Variants in XG observed in about 807,000 individuals in gnomAD.
XG encodes the protein glycoprotein Xg.
A neutral mutation model predicts 25.7 loss-of-function variants in XG; 24 were observed. That is an observed-to-expected ratio of 0.93 (90% CI 0.68 to 1.31). XG has a LOEUF of 1.31. Among genes scored for constraint, XG ranks in the 40% most tolerant of loss-of-function variants. The pLI, the probability that XG is intolerant of heterozygous loss-of-function variation, is 0.00. For synonymous variants in XG, 77 were observed against 69.2 expected (o/e 1.11, Z -0.56); for missense variants, 181 against 187.6 (o/e 0.96, Z 0.21).
intron 4 of XG, among the ~76,000 whole-genome samples, chrX:2,786,209 C>T (rs896192118): frequency 1.9e-5 from 2 of 104,956 alleles, no homozygotes; most frequent in Non-Finnish European, 1.9e-5. Flanking sequence ...GAGATGTCAG[C>T]GTTGCTCACC....
chrX:2,762,171 C>G (rs1214552341), intron 1 of XG, among the ~76,000 whole-genome samples: 2 of 152,188 alleles, frequency 1.3e-5, no homozygotes, highest in Non-Finnish European at 2.9e-5. Flanking sequence ...TTTCCTTGCA[C>G]CAAAGATGTC....
In XG at chrX:2,811,370, A is replaced by G; in HGVS notation, c.489A>G (p.Val163=). ...TAGCAAAAATCGTGTCTCCCATCGTATCCGTGGTGGTGGTGACACTGCTGG... is the reference window on the plus strand; with the variant it reads ...TAGCAAAAATCGTGTCTCCCATCGTGTCCGTGGTGGTGGTGACACTGCTGG... ...NMVAKIVSPI[V]SVVVVTLLGA... is the part of the protein sequence containing the mutation. Residue 163 remains valine, a synonymous_variant, in exon 10 of 11, where the codon GTA becomes GTG. Transcript: ENST00000644266. 8.3e-7 allele frequency: 1 copy of G among 1,208,909 alleles called. No homozygotes were observed. The highest frequency in any genetic ancestry group is 3.0e-5 in the East Asian group (1 of 33,770).
chrX:2,780,035 T>G, intron 3 of XG, among the ~76,000 whole-genome samples: 1 of 152,312 alleles, frequency 6.6e-6, no homozygotes. Context: ...TATATTATTT[T>G]TTATTTGTAT....
chrX:2,768,109 T>C (rs2050738987), intron 1 of XG, among the ~76,000 whole-genome samples: 1 of 152,038 alleles, frequency 6.6e-6, no homozygotes, highest in African/African-American at 2.4e-5. Flanking sequence ...TGCAACAGCA[T>C]TTCAGAGAGG....
chrX:2,788,796 C>T (rs1232956625), intron 4 of XG, among the ~76,000 whole-genome samples: 1 of 109,066 alleles, frequency 9.2e-6, no homozygotes, highest in South Asian at 4.0e-4. Flanking sequence ...CAGAGGTTGC[C>T]GTGAGCTGAG....
rs190795134 is a variant in XG at position 2,773,188 on chromosome X, A to G, written c.104-1528A>G. On this transcript the variant is annotated intron_variant, in intron 2 of 10. Coordinates refer to ENST00000644266, the MANE Select transcript of XG (RefSeq NM_001141919.2). The stretch of plus-strand genomic sequence containing the variant: ...GGGAGGGAGGAAAAAGGATGGAAAC[A>G]AGGAGGGAAGAAAAGGAAGAAGAGA... 2.0e-3 allele frequency among the ~76,000 whole-genome samples: 299 copies of G among 150,684 alleles called. 1 individual carries two copies. The highest frequency in any genetic ancestry group is 7.0e-3 in the African/African-American group (286 of 41,082).
At chrX:2,776,143 A>C (rs2050984850) in intron 3 of XG, among the ~76,000 whole-genome samples, 1 of 118,886 alleles carries the variant, frequency 8.4e-6, no homozygotes, top group Non-Finnish European at 1.9e-5. Context: ...AAACGCTTTG[A>C]GACAAATTAA....
At position 2,774,732 on chromosome X, in the gene XG, A is replaced by G; in HGVS notation, c.120A>G (p.Pro40=). 6.2e-7 allele frequency: 1 copy of G among 1,613,948 alleles called. No individual in the cohort carries two copies. The highest frequency in any genetic ancestry group is 2.2e-5 in the East Asian group (1 of 44,886). Residue 40 remains proline, a synonymous_variant, in exon 3 of 11, where the codon CCA becomes CCG. Transcript: ENST00000644266. ...TGTTCACAGAACCCACCAAGAAGCCAAACTCAGGTGAGTGTCTCTTCAGCT... is the reference window on the plus strand; with the variant it reads ...TGTTCACAGAACCCACCAAGAAGCCGAACTCAGGTGAGTGTCTCTTCAGCT... ...ALDDPEPTKK[P]NSDIYPKPKP... is the part of the protein sequence containing the mutation.
chrX:2,752,854 C>T (rs1385921259), intron 1 of XG: 2 of 870,440 alleles, frequency 2.3e-6, no homozygotes, highest in African/African-American at 3.7e-5. Flanking sequence ...CAAATTAAAA[C>T]CACCTGAATT....
At chrX:2,803,606 T>G (rs1348537140) in intron 7 of XG, among the ~76,000 whole-genome samples, 1 of 108,230 alleles carries the variant, frequency 9.2e-6, no homozygotes, top group African/African-American at 3.4e-5. Flanking sequence ...CATAGGGGGG[T>G]GAAGTGAGGT....
At chrX:2,774,501 C>A (rs2050930869) in intron 2 of XG, among the ~76,000 whole-genome samples, 1 of 152,064 alleles carries the variant, frequency 6.6e-6, no homozygotes, top group African/African-American at 2.4e-5. Context: ...CTGTGGGCAT[C>A]CTCACAGCCT....
chrX:2,762,029 G>A (rs2050577099), intron 1 of XG, among the ~76,000 whole-genome samples: 2 of 152,176 alleles, frequency 1.3e-5, no homozygotes. Flanking sequence ...GGCCCAGACA[G>A]ACCTGCTGAA....
intron 7 of XG, among the ~76,000 whole-genome samples, chrX:2,798,708 G>C (rs2086908255): frequency 9.1e-6 from 1 of 110,355 alleles, no homozygotes; most frequent in Admixed American, 9.7e-5. Context: ...GTTTCACCTT[G>C]TTGGTCAGGC....
Position 2,814,744 on chromosome X carries a change from G to C in XG, c.*364G>C, listed in dbSNP as rs2087089560. The C allele has an allele frequency of 6.6e-6, 1 of 150,983 alleles. No homozygotes were observed. The highest frequency in any genetic ancestry group is 8.4e-5 in the Admixed American group (1 of 11,850). The allele number at this position is 150,983 out of a possible 1,213,427, so 12.4% of individuals were successfully genotyped here. On this transcript the variant is annotated 3_prime_UTR_variant, in exon 11 of 11. Transcript: ENST00000644266. ...ATGGCACAAAGCGGTGAGCAGTAGGGAGGTAGAATATCTTGGTGGGGAGGG... is the reference window on the plus strand; with the variant it reads ...ATGGCACAAAGCGGTGAGCAGTAGGCAGGTAGAATATCTTGGTGGGGAGGG...
At chrX:2,799,844 C>T (rs748931736) in intron 7 of XG, among the ~76,000 whole-genome samples, 5 of 111,908 alleles carry the variant, frequency 4.5e-5, no homozygotes, top group African/African-American at 1.3e-4. Flanking sequence ...TTTCCTTTCA[C>T]AATGCGTACT....
intron 1 of XG, among the ~76,000 whole-genome samples, chrX:2,757,005 G>A (rs1448997289): frequency 1.3e-5 from 2 of 152,178 alleles, no homozygotes; most frequent in African/African-American, 2.4e-5. Flanking sequence ...CAGGTCACAC[G>A]AACCAGCTGA....
rs1179667048 is a variant in XG at position 2,786,260 on chromosome X, C to CTTTTTTTTTTTTTTTTT, written c.191-3383_191-3367dup. Among the ~76,000 whole-genome samples the CTTTTTTTTTTTTTTTTT allele has an allele frequency of 4.4e-3, 265 of 60,547 alleles. 51 individuals carry two copies. Among genetic ancestry groups the CTTTTTTTTTTTTTTTTT allele is most frequent in the African/African-American group, 0.017 (242 of 14,199 alleles). The allele number at this position is 60,547 out of a possible 115,157, so 52.6% of individuals were successfully genotyped here. On this transcript the variant is annotated intron_variant, in intron 4 of 10. Coordinates refer to ENST00000644266, the MANE Select transcript of XG (RefSeq NM_001141919.2). Reference sequence around the variant, plus strand: ...CCCCAGCAGCTCCTATCCATGTTGTCTTTTTTTTTTTTTTTTTCAGACAGA... The same window carrying CTTTTTTTTTTTTTTTTT: ...CCCCAGCAGCTCCTATCCATGTTGTCTTTTTTTTTTTTTTTTTTTTTTTTTTTTTTTTTTCAGACAGA...
At chrX:2,796,017 C>T (rs963115156) in intron 6 of XG, among the ~76,000 whole-genome samples, 1 of 106,263 alleles carries the variant, frequency 9.4e-6, no homozygotes, top group South Asian at 3.7e-4. Flanking sequence ...TATACATGTA[C>T]ATTTTATATA....
rs116585686 is a variant in XG at position 2,762,217 on chromosome X, C to T, written c.62-8333C>T. Among the ~76,000 whole-genome samples the T allele has an allele frequency of 7.4e-4, 112 of 152,004 alleles. 1 individual carries two copies. The highest frequency in any genetic ancestry group is 2.5e-3 in the African/African-American group (104 of 41,272). On this transcript the variant is annotated intron_variant, in intron 1 of 10. Transcript: ENST00000644266. ...TGATGAATGATCATTCCTTCCTCTT[C>T]GACGACAAAATACTTCGATCTCTGC...
Sources: gnomAD v4.1 joint callset for allele counts (sites outside exome capture counted in the v4.1 genomes callset) on GRCh38, gnomAD v4.1.1 for gene constraint, MANE v1.5 for transcripts, NCBI Gene and HGNC (gene_info 2026-07-23, HGNC 2026-07-21) for gene names.